Variants in SLC68A1 observed in about 807,000 individuals in gnomAD.
SLC68A1 encodes the protein major facilitator superfamily domain containing 13A.
At chr10:102,472,990 A>G in the SLC68A1 span, 2 of 1,468,454 alleles carry the variant, frequency 1.4e-6, no homozygotes, top group Non-Finnish European at 1.9e-6. Context: ...AGCTGGAAGG[A>G]GAGAGACCTG....
chr10:102,473,675 G>A, the SLC68A1 span: 1 of 1,614,112 alleles, frequency 6.2e-7, no homozygotes, highest in African/African-American at 1.3e-5. Context: ...CTCAAGCTGG[G>A]ACTTAGCCTG....
the SLC68A1 span, chr10:102,473,765 G>C: frequency 6.2e-7 from 1 of 1,608,544 alleles, no homozygotes; most frequent in Non-Finnish European, 8.5e-7. Context: ...CACGCTCCCC[G>C]CAACACCTCC....
At chr10:102,474,735 C>T in the SLC68A1 span, among the ~76,000 whole-genome samples, 1 of 152,152 alleles carries the variant, frequency 6.6e-6, no homozygotes, top group Non-Finnish European at 1.5e-5. Flanking sequence ...GCAGCCTCGA[C>T]CTCCCAGGTT....
At chr10:102,471,321 C>A in the SLC68A1 span, 1 of 1,613,988 alleles carries the variant, frequency 6.2e-7, no homozygotes, top group Non-Finnish European at 8.5e-7. Context: ...CGGACAGCAT[C>A]ACCTTGGGCC....
At chr10:102,473,894 G>A in the SLC68A1 span, 1 of 1,614,164 alleles carries the variant, frequency 6.2e-7, no homozygotes, top group South Asian at 1.1e-5. Context: ...AGGACCTGGT[G>A]CTGAACCACC....
the SLC68A1 span, chr10:102,471,257 C>G: frequency 6.2e-7 from 1 of 1,610,550 alleles, no homozygotes; most frequent in South Asian, 1.1e-5. Context: ...GTTCTCCACT[C>G]CCTTCTGCCC....
At chr10:102,476,214 C>T in the SLC68A1 span, 13 of 644,700 alleles carry the variant, frequency 2.0e-5, no homozygotes, top group South Asian at 3.0e-4. Context: ...ATTATAGGAG[C>T]GTGCCACCAT....
the SLC68A1 span, chr10:102,469,289 TC>T: frequency 7.6e-7 from 1 of 1,314,106 alleles, no homozygotes; most frequent in Non-Finnish European, 1.1e-6. Context: ...AGGTGCCTGG[TC>T]CCACCCAGTC....
the SLC68A1 span, among the ~76,000 whole-genome samples, chr10:102,474,857 A>T: frequency 1.3e-5 from 2 of 151,980 alleles, no homozygotes; most frequent in Non-Finnish European, 2.9e-5. Context: ...CAGGTTGCCC[A>T]GGCTGGTCTC....
At chr10:102,471,537 A>G in the SLC68A1 span, 1 of 1,245,674 alleles carries the variant, frequency 8.0e-7, no homozygotes, top group Non-Finnish European at 1.1e-6. Flanking sequence ...AGGTGGGTGG[A>G]TCACTTGAGG....
chr10:102,472,957 G>A, the SLC68A1 span: 1 of 1,608,210 alleles, frequency 6.2e-7, no homozygotes, highest in South Asian at 1.1e-5. Flanking sequence ...TTGGGTGAGT[G>A]TGGACCTTGG....
chr10:102,463,248 C>CT, the SLC68A1 span, among the ~76,000 whole-genome samples: 1 of 150,564 alleles, frequency 6.6e-6, no homozygotes, highest in African/African-American at 2.5e-5. Flanking sequence ...TTTCGGCTCA[C>CT]TGCAAGCTCC....
the SLC68A1 span, chr10:102,472,779 G>T: frequency 9.2e-7 from 1 of 1,090,180 alleles, no homozygotes. Context: ...GGGGATGTGT[G>T]TTCCCCTGTT....
the SLC68A1 span, chr10:102,472,092 G>A: frequency 4.4e-6 from 2 of 452,262 alleles, no homozygotes; most frequent in Admixed American, 4.7e-5. Context: ...GAGCCCAGGA[G>A]TTCGAGGCTG....
At chr10:102,464,894 A>C in the SLC68A1 span, among the ~76,000 whole-genome samples, 1 of 151,580 alleles carries the variant, frequency 6.6e-6, no homozygotes, top group Non-Finnish European at 1.5e-5. Flanking sequence ...CGAGGCAGGT[A>C]AATCACTTGA....
chr10:102,476,075 GTTTTTTTTT>G, the SLC68A1 span: 3 of 1,112,954 alleles, frequency 2.7e-6, no homozygotes, highest in Non-Finnish European at 2.2e-6. Flanking sequence ...GGATTTCATA[GTTTTTTTTT>G]TTTTTTTTTG....
chr10:102,475,678 G>A, the SLC68A1 span: 3 of 1,538,810 alleles, frequency 1.9e-6, no homozygotes, highest in East Asian at 4.6e-5. Flanking sequence ...AAGGCTTGGA[G>A]GACAGTGGGC....
the SLC68A1 span, chr10:102,476,645 G>C: frequency 1.0e-6 from 1 of 986,110 alleles, no homozygotes; most frequent in South Asian, 4.7e-5. Flanking sequence ...CTCAGCTTGG[G>C]CAAGGGCTGG....
chr10:102,475,584 A>G, the SLC68A1 span: 1 of 952,264 alleles, frequency 1.1e-6, no homozygotes, highest in East Asian at 2.6e-5. Flanking sequence ...GTAGGAGAGG[A>G]GTGGGTTTGG....
Sources: allele counts gnomAD v4.1 joint callset (sites outside exome capture counted in the v4.1 genomes callset), GRCh38; gene constraint gnomAD v4.1.1; transcripts MANE v1.5; gene names NCBI Gene and HGNC (gene_info 2026-07-23, HGNC 2026-07-21).